CCL18: variants seen among roughly 807,000 people sequenced by gnomAD.
CCL18 encodes C-C motif chemokine 18.
CCL18 carries 7 observed loss-of-function variants against 8.0 expected under a neutral mutation model. The ratio of observed to expected loss-of-function variants is 0.87; its 90% CI spans 0.50 to 1.64. CCL18 has a LOEUF of 1.64. Among genes scored for constraint, CCL18 ranks in the 40% most tolerant of loss-of-function variants. The pLI is 0.00. For synonymous variants in CCL18, 35 were observed against 41.3 expected (o/e 0.85, Z 0.59); for missense variants, 95 against 107.8 (o/e 0.88, Z 0.52).
intron 1 of CCL18, among the ~76,000 whole-genome samples, chr17:36,065,861 G>A (rs1180765937): frequency 6.6e-6 from 1 of 152,170 alleles, no homozygotes; most frequent in African/African-American, 2.4e-5. Flanking sequence ...TCTTGGAATG[G>A]CTGGCCTTTG....
intron 1 of CCL18, 125 bp from the exon 2 acceptor site, chr17:36,070,322 C>T (rs1225448017): frequency 3.9e-5 from 23 of 584,106 alleles, no homozygotes; most frequent in Non-Finnish European, 7.1e-5. Flanking sequence ...ATCTCTTTGT[C>T]CCTATATCCC....
At chr17:36,068,589 T>A (rs925252241) in intron 1 of CCL18, among the ~76,000 whole-genome samples, 3 of 152,212 alleles carry the variant, frequency 2.0e-5, no homozygotes, top group African/African-American at 7.2e-5. Flanking sequence ...TAACAAATCA[T>A]ATAAAAAGCT....
chr17:36,070,700 C>G, intron 2 of CCL18, 142 bp downstream of exon 2: 1 of 652,434 alleles, frequency 1.5e-6, no homozygotes, highest in Non-Finnish European at 2.7e-6. Flanking sequence ...GTGACCTGGC[C>G]TGGGGCCTGC....
chr17:36,070,805 G>T, intron 2 of CCL18, 146 bp from the exon 3 acceptor site: 3 of 708,474 alleles, frequency 4.2e-6, no homozygotes, highest in East Asian at 2.6e-5. Flanking sequence ...AGACATTTGG[G>T]GAAGGCCTGT....
chr17:36,067,940 T>C (rs548357108), intron 1 of CCL18, among the ~76,000 whole-genome samples: 1 of 152,314 alleles, frequency 6.6e-6, no homozygotes, highest in East Asian at 1.9e-4. Context: ...TTTAGATATG[T>C]TTAGATATGC....
intron 1 of CCL18, among the ~76,000 whole-genome samples, chr17:36,064,909 A>C (rs1279465787): frequency 1.3e-5 from 2 of 152,216 alleles, no homozygotes; most frequent in East Asian, 3.8e-4. Flanking sequence ...AAGACTAGGG[A>C]AATTAAGGAG....
chr17:36,064,738 C>G (rs2142050033), intron 1 of CCL18, among the ~76,000 whole-genome samples: 1 of 152,246 alleles, frequency 6.6e-6, no homozygotes, highest in African/African-American at 2.4e-5. Context: ...TCCTAGAGTT[C>G]AACCCCTTGG....
intron 1 of CCL18, among the ~76,000 whole-genome samples, chr17:36,065,002 T>C (rs950768546): frequency 2.6e-5 from 4 of 152,170 alleles, no homozygotes; most frequent in Non-Finnish European, 5.9e-5. Context: ...CTTTGCTCCT[T>C]TGTGACCCGC....
chr17:36,071,400 T>C lies in CCL18; in HGVS notation c.*359T>C, dbSNP rs1045064652. The C allele has an allele frequency of 2.0e-5, 4 of 200,636 alleles. No individual in the cohort carries two copies. The highest frequency in any genetic ancestry group is 4.1e-5 in the Non-Finnish European group (4 of 98,628). 12.4% of individuals were successfully genotyped at this position (200,636 alleles called of 1,614,324 possible). A position where few individuals can be genotyped will look rare whatever the true frequency, so the allele number is the denominator to read the frequency against. On this transcript the variant is annotated 3_prime_UTR_variant, in exon 3 of 3. Coordinates refer to ENST00000616054, the MANE Select transcript of CCL18 (RefSeq NM_002988.4). ...ATATGTATCAAATGACAAATCTTTA[T>C]TGAATGGTTTTGCTCAGCACCACCT...
At chr17:36,066,675 C>T (rs1052499788) in intron 1 of CCL18, among the ~76,000 whole-genome samples, 2 of 152,200 alleles carry the variant, frequency 1.3e-5, no homozygotes, top group Non-Finnish European at 2.9e-5. Context: ...GTGTTGAAGT[C>T]ATACGTACAA....
rs1211672356 is a variant in CCL18 at position 36,064,412 on chromosome 17, G to A, written c.67+3G>A. On this transcript the variant is annotated splice_donor_region_variant and intron_variant, in intron 1 of 2. Coordinates refer to ENST00000616054, the MANE Select transcript of CCL18 (RefSeq NM_002988.4). ...GGCCCTCTGCTCCTGTGCACAAGGT[G>A]AGTCTGTCATCCATGTGCTTTGATG... The A allele has an allele frequency of 2.5e-6, 4 of 1,612,370 alleles. No individual in the cohort carries two copies. The highest frequency in any genetic ancestry group is 2.5e-6 in the Non-Finnish European group (3 of 1,178,642).
At chr17:36,064,431 T>G (rs1167720123) in intron 1 of CCL18, 22 bp downstream of exon 1, 5 of 1,595,270 alleles carry the variant, frequency 3.1e-6, no homozygotes, top group Non-Finnish European at 3.4e-6. Flanking sequence ...ATCCATGTGC[T>G]TTGATGGCTC....
chr17:36,068,709 C>T (rs527749342), intron 1 of CCL18, among the ~76,000 whole-genome samples: 10 of 152,170 alleles, frequency 6.6e-5, no homozygotes, highest in Admixed American at 4.6e-4. Context: ...AAAGCAGCGG[C>T]CATTTTGGGA....
intron 1 of CCL18, chr17:36,070,234 C>G (rs1398286955): frequency 1.9e-6 from 1 of 531,150 alleles, no homozygotes; most frequent in Non-Finnish European, 3.3e-6. Flanking sequence ...CCAAGACAGC[C>G]AGAGAATGAG....
In CCL18 at chr17:36,064,390, C is replaced by T. The variant is rs2066826449; in HGVS notation, c.48C>T (p.Ala16=). The T allele has an allele frequency of 1.2e-6, 2 of 1,613,712 alleles. No individual in the cohort carries two copies. Among genetic ancestry groups the T allele is most frequent in the African/African-American group, 2.7e-5 (2 of 74,912 alleles). Residue 16 remains alanine (A), a synonymous_variant, in exon 1 of 3, where the codon GCC becomes GCT. Coordinates refer to ENST00000616054, the MANE Select transcript of CCL18 (RefSeq NM_002988.4). ...TCCTTGTCCTCGTCTGCACCATGGCCCTCTGCTCCTGTGCACAAGGTGAGT... is the reference window on the plus strand; with the variant it reads ...TCCTTGTCCTCGTCTGCACCATGGCTCTCTGCTCCTGTGCACAAGGTGAGT... ...AALLVLVCTM[A]LCSCAQVGTN... is the part of the protein sequence containing the mutation.
chr17:36,065,113 A>G (rs756281069), intron 1 of CCL18, among the ~76,000 whole-genome samples: 11 of 152,178 alleles, frequency 7.2e-5, no homozygotes, highest in Non-Finnish European at 1.2e-4. Context: ...CAGTAGATGC[A>G]CTGCAAATTT....
intron 1 of CCL18, 34 bp downstream of exon 1, chr17:36,064,443 C>G (rs772326996): frequency 7.0e-6 from 11 of 1,561,310 alleles, no homozygotes; most frequent in South Asian, 4.5e-5. Context: ...TGATGGCTCC[C>G]TGGGCAGAAG....
intron 1 of CCL18, among the ~76,000 whole-genome samples, 198 bp downstream of exon 1, chr17:36,064,607 T>A (rs957941730): frequency 6.6e-6 from 1 of 152,220 alleles, no homozygotes; most frequent in Non-Finnish European, 1.5e-5. Flanking sequence ...AGAGAAGTTT[T>A]ATCCTACTGA....
chr17:36,066,901 A>G (rs2066840464), intron 1 of CCL18, among the ~76,000 whole-genome samples: 2 of 152,226 alleles, frequency 1.3e-5, no homozygotes, highest in Admixed American at 1.3e-4. Flanking sequence ...GACGTCAAGA[A>G]TTGGTGTTAC....
Sources: allele counts gnomAD v4.1 joint callset (sites outside exome capture counted in the v4.1 genomes callset), GRCh38; gene constraint gnomAD v4.1.1; transcripts MANE v1.5; gene names NCBI Gene and HGNC (gene_info 2026-07-23, HGNC 2026-07-21).